Variants in DLGAP4 observed in about 807,000 individuals in gnomAD.
DLGAP4 encodes DLG associated protein 4.
DLGAP4 carries 18 observed loss-of-function variants against 86.9 expected under a neutral mutation model. That is an observed-to-expected ratio of 0.21 (90% CI 0.14 to 0.31). The LOEUF (loss-of-function observed/expected upper bound fraction) is 0.31. DLGAP4 is among the 10% of genes least tolerant of loss of function. The pLI, the probability that DLGAP4 is intolerant of heterozygous loss-of-function variation, is 1.00. For missense variants in DLGAP4, 1,085 were observed against 1,362.6 expected (o/e 0.80, Z 3.21); for synonymous variants, 548 against 574.3 (o/e 0.95, Z 0.65).
At chr20:36,410,641 G>A (rs571532299) in intron 2 of DLGAP4, among the ~76,000 whole-genome samples, 9 of 152,178 alleles carry the variant, frequency 5.9e-5, no homozygotes, top group Non-Finnish European at 1.2e-4. Flanking sequence ...AAGAGAGGGA[G>A]TGTGGGGGAT....
intron 1 of DLGAP4, among the ~76,000 whole-genome samples, chr20:36,343,377 A>G (rs2065403888): frequency 6.6e-6 from 1 of 152,150 alleles, no homozygotes; most frequent in Admixed American, 6.5e-5. Flanking sequence ...TAATGTCTCA[A>G]AACTGTGATC....
rs1012576881 is a variant in DLGAP4, at chr20:36,526,226, G to A, written c.2760+220G>A. 2.0e-5 allele frequency: 13 copies of A among 650,994 alleles called. No individual in the cohort carries two copies. The East Asian group carries it at 3.0e-4, about 15-fold the overall frequency. The allele number at this position is 650,994 out of a possible 1,614,324, so 40.3% of individuals were successfully genotyped here. A position where few individuals can be genotyped will look rare whatever the true frequency, so the allele number is the denominator to read the frequency against. Reference sequence around the variant, plus strand: ...GCCCCTGAAGCATGTGTCCTGCCCTGCATGTCCAGAAAAGGGGATCCTGGG... The same window carrying A: ...GCCCCTGAAGCATGTGTCCTGCCCTACATGTCCAGAAAAGGGGATCCTGGG... On this transcript the variant is annotated intron_variant, in intron 12 of 12. Coordinates refer to ENST00000339266, the MANE Select transcript of DLGAP4 (RefSeq NM_001365621.2).
intron 1 of DLGAP4, among the ~76,000 whole-genome samples, chr20:36,311,025 C>T (rs2065048697): frequency 6.6e-6 from 1 of 152,156 alleles, no homozygotes; most frequent in African/African-American, 2.4e-5. Flanking sequence ...CCCTCCACAG[C>T]GTCTCCTGGC....
chr20:36,342,300 G>A (rs560895893), intron 1 of DLGAP4, among the ~76,000 whole-genome samples: 1 of 152,340 alleles, frequency 6.6e-6, no homozygotes, highest in Admixed American at 6.5e-5. Flanking sequence ...GGAAGCCAAG[G>A]CACGGCCTCC....
At chr20:36,482,716 G>C (rs140006389) in intron 7 of DLGAP4, among the ~76,000 whole-genome samples, 2,544 of 152,250 alleles carry the variant, frequency 0.017, 82 homozygotes, top group African/African-American at 0.058. Flanking sequence ...CTGTTGTCCA[G>C]GCTGGAGTGC....
chr20:36,322,460 A>G (rs1285971290), intron 1 of DLGAP4, among the ~76,000 whole-genome samples: 1 of 152,226 alleles, frequency 6.6e-6, no homozygotes, highest in Admixed American at 6.5e-5. Context: ...GCTTGACTTC[A>G]GCAAGTTACC....
At chr20:36,360,784 G>C (rs1555894167) in intron 1 of DLGAP4, among the ~76,000 whole-genome samples, 3 of 152,036 alleles carry the variant, frequency 2.0e-5, no homozygotes, top group Non-Finnish European at 4.4e-5. Context: ...CGGCAGGGAG[G>C]GGTCTAGGGT....
intron 10 of DLGAP4, among the ~76,000 whole-genome samples, chr20:36,523,669 GATT>G (rs2037519765): frequency 6.6e-6 from 1 of 152,066 alleles, no homozygotes; most frequent in African/African-American, 2.4e-5. Flanking sequence ...AGTCTAATCA[GATT>G]TTTTATTTTG....
At position 36,526,874 on chromosome 20, in the gene DLGAP4, G is replaced by T. The variant is rs1481579023; in HGVS notation, c.2822G>T (p.Ser941Ile). The T allele has an allele frequency of 1.2e-6, 2 of 1,612,672 alleles. No individual in the cohort carries two copies. The highest frequency in any genetic ancestry group is 1.1e-5 in the South Asian group (1 of 90,848). ...CCAGCCAAATCCAAGCCGGCAGTGAGCCGCGACAAGGCCTCAGACGCCAGC... is the reference window on the plus strand; with the variant it reads ...CCAGCCAAATCCAAGCCGGCAGTGATCCGCGACAAGGCCTCAGACGCCAGC... ...KKPAKSKPAVSRDKASDASDK... is the reference protein window; with the variant it reads ...KKPAKSKPAVIRDKASDASDK... Residue 941 changes from serine (S) to isoleucine (I), a missense_variant, in exon 13 of 13, where the codon AGC (serine) becomes ATC (isoleucine). This residue lies in a region of DLGAP4 where 1,082 missense variants were observed against 1,344.1 expected (regional missense o/e 0.81). Transcript: ENST00000339266.
chr20:36,334,186 A>G (rs540248969), intron 1 of DLGAP4, among the ~76,000 whole-genome samples: 2 of 152,338 alleles, frequency 1.3e-5, no homozygotes, highest in South Asian at 4.1e-4. Context: ...CAGACCAGAA[A>G]TTGACAAAAA....
At chr20:36,456,217 TTATC>T (rs1164927213) in intron 7 of DLGAP4, among the ~76,000 whole-genome samples, 3 of 152,090 alleles carry the variant, frequency 2.0e-5, no homozygotes, top group Non-Finnish European at 4.4e-5. Context: ...GGGAAGATGA[TTATC>T]TATCAAGGTC....
rs376328317 is a variant in DLGAP4 at position 36,365,802 on chromosome 20, C to G, written c.-303-1243C>G. 6.6e-5 allele frequency among the ~76,000 whole-genome samples: 10 copies of G among 152,312 alleles called. No individual in the cohort carries two copies. The East Asian group carries it at 1.4e-3, about 21-fold the overall frequency. Reference sequence around the variant, plus strand: ...GAGAAAGGTGAGCCTCCCCGACCAGCGACTGTCCCTTTCTCCTTATTCCTC... The same window carrying G: ...GAGAAAGGTGAGCCTCCCCGACCAGGGACTGTCCCTTTCTCCTTATTCCTC... On this transcript the variant is annotated intron_variant, in intron 1 of 12. Transcript: ENST00000339266.
chr20:36,442,874 G>A (rs1278404787), intron 6 of DLGAP4, 97 bp downstream of exon 6: 5 of 1,518,780 alleles, frequency 3.3e-6, no homozygotes, highest in Non-Finnish European at 4.6e-6. Context: ...GGCCCAGGCT[G>A]GTACAAGCAG....
At chr20:36,358,081 T>G (rs2030389894) in intron 1 of DLGAP4, among the ~76,000 whole-genome samples, 1 of 152,242 alleles carries the variant, frequency 6.6e-6, no homozygotes. Context: ...TGTATGGTTC[T>G]TGGCTGCCAT....
chr20:36,521,464 T>C (rs1241877858), intron 10 of DLGAP4, among the ~76,000 whole-genome samples: 1 of 152,214 alleles, frequency 6.6e-6, no homozygotes, highest in East Asian at 1.9e-4. Flanking sequence ...CCCACTCTTC[T>C]TTAAACTAAG....
intron 2 of DLGAP4, among the ~76,000 whole-genome samples, chr20:36,398,115 C>T (rs1410329440): frequency 1.3e-5 from 2 of 152,164 alleles, no homozygotes; most frequent in Non-Finnish European, 2.9e-5. Flanking sequence ...AAAAACTTTG[C>T]CAATTTTTGT....
chr20:36,393,139 T>G lies in DLGAP4; in HGVS notation c.-73+25864T>G, dbSNP rs2031839457. On this transcript the variant is annotated intron_variant, in intron 2 of 12. Coordinates refer to ENST00000339266, the MANE Select transcript of DLGAP4 (RefSeq NM_001365621.2). The surrounding 1 kb of genome is among the most constrained non-coding windows in gnomAD (Gnocchi z 4.4). ...TTGGTTTTGGTCAAGAGCTCAGGGG[T>G]GAGACTAGGGTGGGACTGGAGAACT... Among the ~76,000 whole-genome samples, 1 of 151,218 alleles carries G rather than the reference T, an allele frequency of 6.6e-6. No homozygotes were observed.
At chr20:36,420,216 C>T (rs1489783620) in intron 2 of DLGAP4, among the ~76,000 whole-genome samples, 3 of 152,316 alleles carry the variant, frequency 2.0e-5, no homozygotes, top group East Asian at 1.9e-4. Flanking sequence ...ATCCAAGCCC[C>T]GTGCTGGATG....
intron 2 of DLGAP4, among the ~76,000 whole-genome samples, chr20:36,400,165 C>A (rs2032116070): frequency 6.6e-6 from 1 of 152,168 alleles, no homozygotes; most frequent in East Asian, 1.9e-4. Flanking sequence ...TTTAATATAC[C>A]AGGAATGTAA....
Sources: gnomAD v4.1 joint callset for allele counts (sites outside exome capture counted in the v4.1 genomes callset) on GRCh38, gnomAD v4.1.1 for gene constraint, gnomAD v4.1.1 regional missense constraint, Gnocchi (gnomAD v3.1) non-coding constraint, MANE v1.5 for transcripts, NCBI Gene and HGNC (gene_info 2026-07-23, HGNC 2026-07-21) for gene names.